Variants in ST6GALNAC5 observed in about 807,000 individuals in gnomAD.
ST6GALNAC5 encodes the protein ST6 N-acetylgalactosaminide alpha-2,6-sialyltransferase 5.
Under a neutral mutation model 33.6 loss-of-function variants are expected in ST6GALNAC5, and 27 were observed. That is an observed-to-expected ratio of 0.80 (90% CI 0.59 to 1.11). ST6GALNAC5 has a LOEUF of 1.11. ST6GALNAC5 is among the 50% of genes least tolerant of loss of function. ST6GALNAC5 has a pLI of 0.00. For missense variants in ST6GALNAC5, 428 were observed against 454.0 expected (o/e 0.94, Z 0.52); for synonymous variants, 194 against 171.2 (o/e 1.13, Z -1.04).
intron 2 of ST6GALNAC5, among the ~76,000 whole-genome samples, chr1:77,004,810 CA>C (rs1650328593): frequency 7.7e-6 from 1 of 130,064 alleles, no homozygotes; most frequent in African/African-American, 2.5e-5. Context: ...GCTCGGGGGT[CA>C]GGGGTCAGGG....
At chr1:77,022,595 C>T (rs1651094748) in intron 2 of ST6GALNAC5, among the ~76,000 whole-genome samples, 1 of 152,114 alleles carries the variant, frequency 6.6e-6, no homozygotes, top group African/African-American at 2.4e-5. Flanking sequence ...TCTCTTATAC[C>T]TCAGTAAGGT....
chr1:76,873,879 C>T (rs1259665309), intron 2 of ST6GALNAC5, among the ~76,000 whole-genome samples: 1 of 152,108 alleles, frequency 6.6e-6, no homozygotes, highest in African/African-American at 2.4e-5. Flanking sequence ...TTGTTGAAGG[C>T]CTAGTAGTTT....
At chr1:76,888,839 T>C (rs1271655864) in intron 2 of ST6GALNAC5, among the ~76,000 whole-genome samples, 2 of 152,198 alleles carry the variant, frequency 1.3e-5, no homozygotes, top group Non-Finnish European at 2.9e-5. Context: ...TGTTTTGGTA[T>C]ATGCATACAT....
chr1:77,017,448 G>T (rs920252986), intron 2 of ST6GALNAC5, among the ~76,000 whole-genome samples: 1 of 152,176 alleles, frequency 6.6e-6, no homozygotes, highest in Admixed American at 6.5e-5. Flanking sequence ...GCTGGCATGG[G>T]TGAGGGTCAA....
chr1:76,879,448 C>T (rs989091567), intron 2 of ST6GALNAC5, among the ~76,000 whole-genome samples: 1 of 152,182 alleles, frequency 6.6e-6, no homozygotes, highest in Non-Finnish European at 1.5e-5. Flanking sequence ...TATGCCTGTT[C>T]TCCAGAATGC....
intron 2 of ST6GALNAC5, among the ~76,000 whole-genome samples, chr1:76,910,207 A>G (rs1646897668): frequency 6.6e-6 from 1 of 151,988 alleles, no homozygotes; most frequent in South Asian, 2.1e-4. Context: ...GACAATTTTC[A>G]TATCATTTAG....
intron 2 of ST6GALNAC5, among the ~76,000 whole-genome samples, chr1:76,972,147 A>G (rs1312751446): frequency 1.3e-5 from 2 of 152,216 alleles, no homozygotes; most frequent in Non-Finnish European, 2.9e-5. Flanking sequence ...GAGGCCTCAC[A>G]ATCATGGTGG....
At chr1:76,995,808 T>C (rs944105641) in intron 2 of ST6GALNAC5, among the ~76,000 whole-genome samples, 1 of 152,186 alleles carries the variant, frequency 6.6e-6, no homozygotes, top group Non-Finnish European at 1.5e-5. Flanking sequence ...GTTCAGTGTA[T>C]ATCTGTGTCT....
intron 2 of ST6GALNAC5, among the ~76,000 whole-genome samples, chr1:76,921,869 A>G (rs1647037572): frequency 6.6e-6 from 1 of 152,032 alleles, no homozygotes. Flanking sequence ...AACTTGATAC[A>G]GAACATCTAC....
At chr1:77,057,675 C>T (rs1038891516) in intron 4 of ST6GALNAC5, among the ~76,000 whole-genome samples, 4 of 152,064 alleles carry the variant, frequency 2.6e-5, no homozygotes, top group African/African-American at 4.8e-5. Flanking sequence ...CTGCTTTAGA[C>T]GAGGGCAAAG....
chr1:77,034,149 T>G (rs916985594), intron 2 of ST6GALNAC5, among the ~76,000 whole-genome samples: 1 of 152,122 alleles, frequency 6.6e-6, no homozygotes, highest in Non-Finnish European at 1.5e-5. Flanking sequence ...GTTAAAAGTA[T>G]GAAATCAAGG....
intron 2 of ST6GALNAC5, among the ~76,000 whole-genome samples, chr1:76,967,949 G>C (rs1218416783): frequency 6.6e-6 from 1 of 152,220 alleles, no homozygotes; most frequent in Non-Finnish European, 1.5e-5. Flanking sequence ...CTGAGAGACA[G>C]TTTGTTGTGA....
chr1:77,022,197 C>T (rs367812904), intron 2 of ST6GALNAC5, among the ~76,000 whole-genome samples: 2 of 152,264 alleles, frequency 1.3e-5, no homozygotes, highest in East Asian at 3.9e-4. Context: ...GTTGCGAACA[C>T]CTCTCTGAAG....
intron 3 of ST6GALNAC5, among the ~76,000 whole-genome samples, chr1:77,049,762 A>G (rs1202873394): frequency 6.6e-6 from 1 of 152,186 alleles, no homozygotes; most frequent in Non-Finnish European, 1.5e-5. Flanking sequence ...GTCTACTTGA[A>G]GGCAAGCTTT....
intron 2 of ST6GALNAC5, among the ~76,000 whole-genome samples, chr1:76,983,083 C>T (rs1649324681): frequency 6.6e-6 from 1 of 151,058 alleles, no homozygotes; most frequent in Non-Finnish European, 1.5e-5. Context: ...ACCATCGATG[C>T]TAGGAAGAAA....
At chr1:76,982,196 C>T (rs932961830) in intron 2 of ST6GALNAC5, among the ~76,000 whole-genome samples, 12 of 152,044 alleles carry the variant, frequency 7.9e-5, no homozygotes, top group South Asian at 2.1e-4. Flanking sequence ...TTCAGAAGGT[C>T]GGTAATAACA....
chr1:76,969,997 C>A (rs1354549999), intron 2 of ST6GALNAC5, among the ~76,000 whole-genome samples: 2 of 152,062 alleles, frequency 1.3e-5, no homozygotes, highest in East Asian at 1.9e-4. Flanking sequence ...ATAGCATCAA[C>A]ATCAACAAAA....
chr1:77,010,667 C>G lies in ST6GALNAC5; in HGVS notation c.262-33537C>G, dbSNP rs549894177. On this transcript the variant is annotated intron_variant, in intron 2 of 4. Transcript: ENST00000477717. Reference sequence around the variant, plus strand: ...AATCTGTGGCACAGGTTCTCCAACTCTAGGAGGCCAGGAGGCGCTATGTCT... The same window carrying G: ...AATCTGTGGCACAGGTTCTCCAACTGTAGGAGGCCAGGAGGCGCTATGTCT... Among the ~76,000 whole-genome samples the G allele has an allele frequency of 3.8e-5, 5 of 131,794 alleles. No homozygotes were observed. The East Asian group carries it at 1.2e-3, about 31-fold the overall frequency. 86.5% of individuals were successfully genotyped at this position (131,794 alleles called of 152,430 possible). A position where few individuals can be genotyped will look rare whatever the true frequency, so the allele number is the denominator to read the frequency against.
At chr1:76,897,187 T>G (rs888160776) in intron 2 of ST6GALNAC5, among the ~76,000 whole-genome samples, 2 of 151,956 alleles carry the variant, frequency 1.3e-5, no homozygotes, top group Non-Finnish European at 2.9e-5. Flanking sequence ...GGTGTCAGGG[T>G]CAGTCCAGGT....
Sources: allele counts gnomAD v4.1 joint callset (sites outside exome capture counted in the v4.1 genomes callset), GRCh38; gene constraint gnomAD v4.1.1; transcripts MANE v1.5; gene names NCBI Gene and HGNC (gene_info 2026-07-23, HGNC 2026-07-21).